The following ZNF667 variants were observed in gnomAD, a reference collection of about 807,000 sequenced individuals.
ZNF667 encodes the protein zinc finger protein 667.
ZNF667 carries 13 observed loss-of-function variants against 31.8 expected under a neutral mutation model. That is an observed-to-expected ratio of 0.41 (90% CI 0.27 to 0.65). ZNF667 has a LOEUF of 0.65. ZNF667 is among the 30% of genes least tolerant of loss of function. The pLI is 0.32. For missense variants in ZNF667, 642 were observed against 725.6 expected (o/e 0.88, Z 1.32); for synonymous variants, 228 against 247.1 (o/e 0.92, Z 0.73).
rs935171846 is a variant in ZNF667 at position 56,440,528 on chromosome 19, T to C, written c.*634A>G. The C allele has an allele frequency of 1.1e-5, 10 of 915,628 alleles. No homozygotes were observed. The African/African-American group carries it at 1.8e-4, about 16-fold the overall frequency. 56.7% of individuals were successfully genotyped at this position (915,628 alleles called of 1,614,324 possible). A position where few individuals can be genotyped will look rare whatever the true frequency, so the allele number is the denominator to read the frequency against. ...CTGAGAAACAGACTCAAATTCTTTT[T>C]TCTGTGACCTTAAATCAGGCTCAGA... On this transcript the variant is annotated 3_prime_UTR_variant, in exon 7 of 7. Transcript: ENST00000504904.
At chr19:56,446,677 A>G (rs908170251) in intron 6 of ZNF667, among the ~76,000 whole-genome samples, 1 of 152,254 alleles carries the variant, frequency 6.6e-6, no homozygotes, top group Admixed American at 6.5e-5. Flanking sequence ...AGCTACCATT[A>G]TAATTATTAT....
chr19:56,470,161 G>A, intron 3 of ZNF667: 2 of 402,344 alleles, frequency 5.0e-6, no homozygotes, highest in South Asian at 1.8e-5. Flanking sequence ...AGGATGAGAT[G>A]AGATCATATC....
chr19:56,450,113 T>C (rs2042790188), intron 6 of ZNF667, among the ~76,000 whole-genome samples: 1 of 151,778 alleles, frequency 6.6e-6, no homozygotes, highest in South Asian at 2.1e-4. Context: ...AAAATTCAAG[T>C]ACAAGGAGGT....
Position 56,441,562 on chromosome 19 carries a change from T to C in ZNF667, c.1433A>G (p.Lys478Arg). The C allele has an allele frequency of 6.2e-7, 1 of 1,614,230 alleles. No individual in the cohort carries two copies. Among genetic ancestry groups the C allele is most frequent in the Non-Finnish European group, 8.5e-7 (1 of 1,180,038 alleles). The change falls in exon 7 of 7, where the codon AAA (lysine) becomes AGA (arginine). Residue 478 changes from lysine (K) to arginine (R), a missense_variant. Lys to Arg is a conservative substitution (Grantham distance 26). Transcript: ENST00000504904. The surrounding 1 kb of genome is among the most constrained non-coding windows in gnomAD (Gnocchi z 4.2). Reference sequence around the variant, plus strand: ...GAGAGATATTCGGTGGCTGAAGGCTTTTCCACATTCCTCACACTGGTAGGG... The same window carrying C: ...GAGAGATATTCGGTGGCTGAAGGCTCTTCCACATTCCTCACACTGGTAGGG... ...EKPYQCEECG[K>R]AFSHRISLTR...
intron 6 of ZNF667, among the ~76,000 whole-genome samples, chr19:56,451,589 C>G (rs986697742): frequency 6.6e-6 from 1 of 152,064 alleles, no homozygotes; most frequent in Non-Finnish European, 1.5e-5. Flanking sequence ...CAAAAAAAAG[C>G]TGGGTGCACT....
rs56281826 is a variant in ZNF667, at chr19:56,470,183, C to T, written c.-60+1516G>A. ...GATGAGATCATATCAGTCAGTGCTCCGTTAAGGTAAACTCTATTTACCCTC... is the reference window on the plus strand; with the variant it reads ...GATGAGATCATATCAGTCAGTGCTCTGTTAAGGTAAACTCTATTTACCCTC... On this transcript the variant is annotated intron_variant, in intron 3 of 6. Coordinates refer to ENST00000504904, the MANE Select transcript of ZNF667 (RefSeq NM_001321356.2). 8.2e-3 allele frequency: 3,064 copies of T among 372,648 alleles called. 14 individuals carry two copies. The highest frequency in any genetic ancestry group is 0.019 in the Middle Eastern group (21 of 1,128). The allele number at this position is 372,648 out of a possible 1,614,324, so 23.1% of individuals were successfully genotyped here.
At chr19:56,448,526 GTGTT>G (rs2042752833) in intron 6 of ZNF667, among the ~76,000 whole-genome samples, 1 of 152,094 alleles carries the variant, frequency 6.6e-6, no homozygotes, top group African/African-American at 2.4e-5. Context: ...GGCCAAGAGA[GTGTT>G]TGTATCAACT....
chr19:56,465,801 T>C (rs577208064), intron 3 of ZNF667, among the ~76,000 whole-genome samples: 2 of 152,352 alleles, frequency 1.3e-5, no homozygotes, highest in South Asian at 4.1e-4. Context: ...AAGAGGCCTG[T>C]GTGCAGGGTC....
intron 3 of ZNF667, among the ~76,000 whole-genome samples, chr19:56,467,272 G>A (rs1161507223): frequency 6.6e-6 from 1 of 152,070 alleles, no homozygotes; most frequent in Non-Finnish European, 1.5e-5. Flanking sequence ...CCAAAGATAT[G>A]GACATCCTAA....
chr19:56,467,442 T>C (rs1456152292), intron 3 of ZNF667, among the ~76,000 whole-genome samples: 1 of 152,328 alleles, frequency 6.6e-6, no homozygotes, highest in South Asian at 2.1e-4. Context: ...TGACCACATG[T>C]GTGAGGAGTT....
At chr19:56,455,625 A>T (rs1454043199) in intron 6 of ZNF667, among the ~76,000 whole-genome samples, 1 of 152,220 alleles carries the variant, frequency 6.6e-6, no homozygotes, top group Non-Finnish European at 1.5e-5. Flanking sequence ...GAGGCTGGGA[A>T]GGGTAGCAGA....
chr19:56,449,074 G>A (rs1016167336), intron 6 of ZNF667, among the ~76,000 whole-genome samples: 5 of 152,208 alleles, frequency 3.3e-5, no homozygotes, highest in African/African-American at 1.2e-4. Flanking sequence ...ACTTCTGTGA[G>A]TCTACAAGAG....
chr19:56,471,511 G>C (rs1359548391), intron 3 of ZNF667, among the ~76,000 whole-genome samples, 188 bp downstream of exon 3: 2 of 152,102 alleles, frequency 1.3e-5, no homozygotes, highest in African/African-American at 4.8e-5. Flanking sequence ...TTAAACTTTG[G>C]GCAGATATCC....
intron 3 of ZNF667, chr19:56,468,660 C>T (rs1360496028): frequency 6.6e-6 from 1 of 152,192 alleles, no homozygotes; most frequent in Non-Finnish European, 1.5e-5. Flanking sequence ...AGACTTGTCT[C>T]CGATATTTTG....
intron 6 of ZNF667, among the ~76,000 whole-genome samples, chr19:56,454,583 GAC>G (rs1347793590): frequency 6.6e-6 from 1 of 151,390 alleles, no homozygotes; most frequent in Admixed American, 6.6e-5. Flanking sequence ...TTGGGGAAGG[GAC>G]AGTCTCTTCA....
chr19:56,460,963 G>A (rs2043033064), intron 4 of ZNF667, 148 bp from the exon 5 acceptor site: 1 of 628,016 alleles, frequency 1.6e-6, no homozygotes, highest in Non-Finnish European at 2.5e-6. Flanking sequence ...AAAGGGGCAG[G>A]TGTATTAAAT....
chr19:56,465,804 G>T (rs2043146600), intron 3 of ZNF667, among the ~76,000 whole-genome samples: 1 of 152,040 alleles, frequency 6.6e-6, no homozygotes, highest in African/African-American at 2.4e-5. Flanking sequence ...AGGCCTGTGT[G>T]CAGGGTCAGC....
intron 3 of ZNF667, among the ~76,000 whole-genome samples, chr19:56,470,584 T>C (rs1600460375): frequency 6.6e-6 from 1 of 152,120 alleles, no homozygotes; most frequent in South Asian, 2.1e-4. Context: ...TCCTCACACA[T>C]GGCAGGAGTC....
intron 6 of ZNF667, chr19:56,444,158 G>A: frequency 5.0e-6 from 2 of 398,280 alleles, no homozygotes; most frequent in East Asian, 3.6e-5. Flanking sequence ...TTCCTATATT[G>A]CTATAAATAA....
Sources: gnomAD v4.1 joint callset for allele counts (sites outside exome capture counted in the v4.1 genomes callset) on GRCh38, gnomAD v4.1.1 for gene constraint, Gnocchi (gnomAD v3.1) non-coding constraint, MANE v1.5 for transcripts, NCBI Gene and HGNC (gene_info 2026-07-23, HGNC 2026-07-21) for gene names.